Variants in GCLC observed in about 807,000 individuals in gnomAD.
GCLC encodes glutamate-cysteine ligase catalytic subunit, also known as glutamate--cysteine ligase catalytic subunit.
Under a neutral mutation model 81.5 loss-of-function variants are expected in GCLC, and 30 were observed. That is an observed-to-expected ratio of 0.37 (90% CI 0.28 to 0.50). The LOEUF (loss-of-function observed/expected upper bound fraction) is 0.50. Ranked by LOEUF, GCLC falls within the 20% of genes least tolerant of loss-of-function variation. The probability of loss-of-function intolerance (pLI) is 0.96; values close to 1 mark genes in which losing one functional copy is unlikely to be tolerated. For synonymous variants in GCLC, 262 were observed against 273.3 expected (o/e 0.96, Z 0.41); for missense variants, 556 against 777.4 (o/e 0.72, Z 3.39).
At chr6:53,507,741 A>G (rs1764644532) in intron 8 of GCLC, 123 bp from the exon 9 acceptor site, 1 of 446,110 alleles carries the variant, frequency 2.2e-6, no homozygotes, top group Admixed American at 3.9e-5. Flanking sequence ...TGAGCCCTAA[A>G]AAGTATTATT....
At chr6:53,540,405 C>T (rs62398116) in intron 1 of GCLC, among the ~76,000 whole-genome samples, 7 of 151,078 alleles carry the variant, frequency 4.6e-5, no homozygotes, top group South Asian at 2.1e-4. Context: ...TGAAATACAT[C>T]GGTCACAGAA....
chr6:53,500,161 C>A lies in GCLC; in HGVS notation c.1586G>T (p.Gly529Val). The change falls in exon 15 of 16, where the codon GGT (glycine) becomes GTT (valine). Residue 529 changes from glycine to valine, a missense_variant. Transcript: ENST00000650454. The stretch of plus-strand genomic sequence containing the variant: ...AATTGGGATCAGTCCAGGAAACACA[C>A]CTTCCTACAAGAAGCAGGACACTTT... The part of the protein sequence containing the change: ...SIDTIINGKE[G>V]VFPGLIPILN... 1.9e-6 allele frequency: 3 copies of A among 1,614,032 alleles called. No individual in the cohort carries two copies. Among genetic ancestry groups the A allele is most frequent in the South Asian group, 1.1e-5 (1 of 91,080 alleles).
Position 53,522,499 on chromosome 6 carries a change from T to G in GCLC, c.179A>C (p.His60Pro). 1 of 1,608,542 alleles carries G rather than the reference T, an allele frequency of 6.2e-7. No individual in the cohort carries two copies. Among genetic ancestry groups the G allele is most frequent in the South Asian group, 1.1e-5 (1 of 90,982 alleles). The change falls in exon 2 of 16, where the codon CAT becomes CCT. Residue 60 changes from histidine (H) to proline (P), a missense_variant. Transcript: ENST00000650454. ...GACCAACCGGACTTTTTTATTTTCA[T>G]GATCAAAAGATACCAACATGTATTC... ...EVEYMLVSFD[H>P]ENKKVRLVLS...
At chr6:53,509,356 A>C in intron 6 of GCLC, 106 bp from the exon 7 acceptor site, 1 of 747,232 alleles carries the variant, frequency 1.3e-6, no homozygotes, top group Non-Finnish European at 2.5e-6. Context: ...CAAGTTAACA[A>C]CGCTTCATTA....
In GCLC at chr6:53,506,545, C is replaced by CA. The variant is rs1245437009; in HGVS notation, c.1197+367dup. On this transcript the variant is annotated intron_variant, in intron 10 of 15. Coordinates refer to ENST00000650454, the MANE Select transcript of GCLC (RefSeq NM_001498.4). This position sits in a 1 kb window ranked among gnomAD's most constrained non-coding sequence, Gnocchi z 4.0. ...AATAAATCTATGAGAAGTCTATCTACAAAAAAAAAAGGTGATATGTCTGAA... is the reference window on the plus strand; with the variant it reads ...AATAAATCTATGAGAAGTCTATCTACAAAAAAAAAAAGGTGATATGTCTGAA... 0.027 allele frequency: 5,850 copies of CA among 215,884 alleles called. 27 individuals are homozygous for CA. Among genetic ancestry groups the CA allele is most frequent in the South Asian group, 0.047 (810 of 17,152 alleles). The allele number at this position is 215,884 out of a possible 1,614,324, so 13.4% of individuals were successfully genotyped here.
At chr6:53,505,274 T>C (rs1764591241) in intron 12 of GCLC, 118 bp downstream of exon 12, 1 of 693,032 alleles carries the variant, frequency 1.4e-6, no homozygotes, top group Non-Finnish European at 2.6e-6. Context: ...TGGAGAAACA[T>C]TTTATTGCAA....
chr6:53,542,554 A>G (rs545921539), intron 1 of GCLC, among the ~76,000 whole-genome samples: 19 of 146,208 alleles, frequency 1.3e-4, no homozygotes, highest in African/African-American at 4.7e-4. Context: ...AATACACCAA[A>G]TGGGACAAAG....
chr6:53,535,271 C>T (rs9474586), intron 1 of GCLC, among the ~76,000 whole-genome samples: 25,233 of 152,156 alleles, frequency 0.17, 3,105 homozygotes, highest in Admixed American at 0.33. Flanking sequence ...TCCTAGCACT[C>T]TGGGAGGCCA....
intron 3 of GCLC, among the ~76,000 whole-genome samples, chr6:53,519,415 C>T (rs17881377): frequency 0.014 from 2,173 of 151,588 alleles, 27 homozygotes; most frequent in Middle Eastern, 0.085. Flanking sequence ...TTGGACATCC[C>T]ACCCCCTCCC....
intron 1 of GCLC, among the ~76,000 whole-genome samples, chr6:53,532,217 A>G (rs773757269): frequency 3.8e-4 from 58 of 152,352 alleles, no homozygotes; most frequent in Non-Finnish European, 4.1e-4. Context: ...AACTACAGCT[A>G]TAACAGGGCA....
intron 1 of GCLC, among the ~76,000 whole-genome samples, chr6:53,536,620 G>C (rs1763261603): frequency 6.6e-6 from 1 of 152,176 alleles, no homozygotes; most frequent in Non-Finnish European, 1.5e-5. Flanking sequence ...AATATATTCA[G>C]ATGCCTTGAC....
chr6:53,530,095 G>A (rs996033632), intron 1 of GCLC, among the ~76,000 whole-genome samples: 1 of 152,212 alleles, frequency 6.6e-6, no homozygotes, highest in Non-Finnish European at 1.5e-5. Context: ...AGAGAAAAAA[G>A]AGAGTTTTCT....
In GCLC at chr6:53,505,914, G is replaced by C. The variant is rs1295623416; in HGVS notation, c.1198-19C>G. 6.9e-7 allele frequency: 1 copy of C among 1,456,982 alleles called. No individual in the cohort carries two copies. Among genetic ancestry groups the C allele is most frequent in the Non-Finnish European group, 9.6e-7 (1 of 1,036,610 alleles). The allele number at this position is 1,456,982 out of a possible 1,614,324, so 90.3% of individuals were successfully genotyped here. On this transcript the variant is annotated intron_variant, in intron 10 of 15. Coordinates refer to ENST00000650454, the MANE Select transcript of GCLC (RefSeq NM_001498.4). ...GAATATTCTGTGATACAAAAGCAGA[G>C]AAGAAAACCAACTTTTCACACATCC...
intron 4 of GCLC, 81 bp from the exon 5 acceptor site, chr6:53,514,578 G>A (rs759312142): frequency 2.0e-6 from 2 of 986,150 alleles, no homozygotes; most frequent in African/African-American, 1.6e-5. Context: ...ATACAAGTAA[G>A]TGGAATGAAA....
At chr6:53,523,240 A>G (rs1052690062) in intron 1 of GCLC, 2 of 152,300 alleles carry the variant, frequency 1.3e-5, no homozygotes, top group Non-Finnish European at 2.9e-5. Flanking sequence ...TGGGCAGAAT[A>G]CAACTAGAAC....
rs2100375 is a variant in GCLC, at chr6:53,520,677, C to T, written c.446+101G>A. On this transcript the variant is annotated intron_variant, in intron 3 of 15. Transcript: ENST00000650454. ...TCTATAAAAGATAAACCATCTGTAA[C>T]GTATGAGGATTGTAAGGTGGAATGC... 0.3 allele frequency: 277,410 copies of T among 917,964 alleles called. 44,765 individuals carry two copies. Among genetic ancestry groups the T allele is most frequent in the Admixed American group, 0.5 (29,590 of 59,086 alleles). The allele number at this position is 917,964 out of a possible 1,614,324, so 56.9% of individuals were successfully genotyped here.
intron 1 of GCLC, among the ~76,000 whole-genome samples, chr6:53,525,777 GA>G (rs140645414): frequency 0.01 from 1,548 of 152,040 alleles, 27 homozygotes; most frequent in African/African-American, 0.035. Flanking sequence ...GGAAGTAGGG[GA>G]AAAAAATACC....
intron 6 of GCLC, among the ~76,000 whole-genome samples, chr6:53,511,756 T>C (rs1005384319): frequency 6.8e-6 from 1 of 147,360 alleles, no homozygotes; most frequent in Non-Finnish European, 1.5e-5. Flanking sequence ...TGAGGCATCA[T>C]ATGAAGGAGA....
At chr6:53,522,333 G>A (rs1763013132) in intron 2 of GCLC, 82 bp downstream of exon 2, 1 of 839,844 alleles carries the variant, frequency 1.2e-6, no homozygotes, top group African/African-American at 1.7e-5. Context: ...AGGCTATCCT[G>A]CCTCCAATAA....
Sources: gnomAD v4.1 joint callset for allele counts (sites outside exome capture counted in the v4.1 genomes callset) on GRCh38, gnomAD v4.1.1 for gene constraint, Gnocchi (gnomAD v3.1) non-coding constraint, MANE v1.5 for transcripts, NCBI Gene and HGNC (gene_info 2026-07-23, HGNC 2026-07-21) for gene names.